Variants in BTBD16 observed in about 807,000 individuals in gnomAD.
The protein encoded by BTBD16 is BTB domain containing 16, also known as BTB/POZ domain-containing protein 16.
BTBD16 carries 66 observed loss-of-function variants against 67.4 expected under a neutral mutation model. The ratio of observed to expected loss-of-function variants is 0.98; its 90% confidence interval spans 0.80 to 1.20. The LOEUF (loss-of-function observed/expected upper bound fraction) is 1.20. Ranked by LOEUF, BTBD16 falls within the 50% of genes most tolerant of loss-of-function variation. The pLI is 0.00. For synonymous variants in BTBD16, 242 were observed against 236.4 expected (o/e 1.02, Z -0.22); for missense variants, 634 against 616.0 (o/e 1.03, Z -0.31).
intron 8 of BTBD16, among the ~76,000 whole-genome samples, chr10:122,298,651 C>T (rs1160206698): frequency 6.6e-6 from 1 of 152,158 alleles, no homozygotes; most frequent in African/African-American, 2.4e-5. Flanking sequence ...GTGGGCAAAG[C>T]CTATGGTCAG....
intron 5 of BTBD16, among the ~76,000 whole-genome samples, chr10:122,289,078 A>G (rs1370280472): frequency 6.6e-6 from 1 of 152,154 alleles, no homozygotes; most frequent in Non-Finnish European, 1.5e-5. Context: ...CCTTGGTGGC[A>G]GGGGTCCCCA....
intron 10 of BTBD16, among the ~76,000 whole-genome samples, chr10:122,317,549 A>G (rs1376760540): frequency 6.6e-6 from 1 of 152,158 alleles, no homozygotes; most frequent in Admixed American, 6.5e-5. Context: ...TGGGAGGCTG[A>G]GGCAGGAGAA....
chr10:122,318,344 A>G (rs959737836), intron 10 of BTBD16, among the ~76,000 whole-genome samples: 1 of 152,156 alleles, frequency 6.6e-6, no homozygotes, highest in African/African-American at 2.4e-5. Flanking sequence ...TTGCTGAGTG[A>G]TATTCCATTC....
intron 7 of BTBD16, among the ~76,000 whole-genome samples, chr10:122,292,126 C>G (rs1347766500): frequency 6.6e-6 from 1 of 152,202 alleles, no homozygotes; most frequent in African/African-American, 2.4e-5. Context: ...TCAAAAGTAA[C>G]CTGGGTCCGT....
In BTBD16 at chr10:122,289,981, C is replaced by T. The variant is rs1297550680; in HGVS notation, c.458C>T (p.Pro153Leu). 5 of 1,612,058 alleles carry T rather than the reference C, an allele frequency of 3.1e-6. No individual in the cohort carries two copies. Among genetic ancestry groups the T allele is most frequent in the Non-Finnish European group, 4.2e-6 (5 of 1,178,522 alleles). Reference sequence around the variant, plus strand: ...ATCATTTCCTTGAAGATCAATGACCCACTGGTCACTAAAGTCGGTATGTAT... The same window carrying T: ...ATCATTTCCTTGAAGATCAATGACCTACTGGTCACTAAAGTCGGTATGTAT... ...RIIISLKIND[P>L]LVTKVAFATA... The change falls in exon 6 of 16, where the codon CCA becomes CTA. Residue 153 changes from proline (P) to leucine (L), a missense_variant. Physicochemically the swap from Pro to Leu is moderately conservative, Grantham distance 98. Transcript: ENST00000260723.
At chr10:122,337,644 T>C (rs2096465335) in intron 15 of BTBD16, among the ~76,000 whole-genome samples, 2 of 152,108 alleles carry the variant, frequency 1.3e-5, no homozygotes, top group South Asian at 4.1e-4. Context: ...TTTTGTGTTT[T>C]TTAGTACAGA....
At chr10:122,337,835 T>C (rs2096465692) in intron 15 of BTBD16, among the ~76,000 whole-genome samples, 182 bp from the exon 16 acceptor site, 1 of 152,234 alleles carries the variant, frequency 6.6e-6, no homozygotes, top group Middle Eastern at 3.2e-3. Flanking sequence ...CGTTATTGTG[T>C]TTAAGTTATT....
chr10:122,294,135 A>T, intron 7 of BTBD16: 2 of 985,424 alleles, frequency 2.0e-6, no homozygotes, highest in Non-Finnish European at 2.4e-6. Context: ...TCTAGGTCAG[A>T]GGCCAGGGCG....
At chr10:122,313,257 GT>G (rs58984425) in intron 10 of BTBD16, among the ~76,000 whole-genome samples, 6,403 of 139,016 alleles carry the variant, frequency 0.046, 305 homozygotes, top group East Asian at 0.22. Flanking sequence ...AGTTAGTGCT[GT>G]TTTTTTTTTT....
intron 14 of BTBD16, 41 bp from the exon 15 acceptor site, chr10:122,336,453 C>T (rs1442879926): frequency 6.5e-7 from 1 of 1,539,268 alleles, no homozygotes; most frequent in Non-Finnish European, 8.8e-7. Flanking sequence ...CTGGGCCACC[C>T]CGATTGCAGT....
intron 10 of BTBD16, among the ~76,000 whole-genome samples, chr10:122,314,953 T>C (rs1016175022): frequency 2.6e-5 from 4 of 152,194 alleles, no homozygotes; most frequent in African/African-American, 7.2e-5. Flanking sequence ...ATCTTTTTTT[T>C]CTTCCCAGTC....
chr10:122,294,373 A>G (rs561335138), intron 7 of BTBD16, among the ~76,000 whole-genome samples: 6 of 152,216 alleles, frequency 3.9e-5, no homozygotes, highest in Admixed American at 6.5e-5. Context: ...TTAATTCTGA[A>G]TCACACATAC....
chr10:122,304,445 A>C (rs1389854285), intron 9 of BTBD16, among the ~76,000 whole-genome samples: 1 of 152,118 alleles, frequency 6.6e-6, no homozygotes, highest in Non-Finnish European at 1.5e-5. Context: ...CAACGGGTTT[A>C]AGAAATGTTG....
chr10:122,319,155 T>G (rs1209689069), intron 10 of BTBD16, among the ~76,000 whole-genome samples: 1 of 152,234 alleles, frequency 6.6e-6, no homozygotes, highest in African/African-American at 2.4e-5. Flanking sequence ...ATTTCGTAGA[T>G]ACTTTCTCCA....
intron 10 of BTBD16, among the ~76,000 whole-genome samples, chr10:122,327,335 A>T (rs75644362): frequency 3.0e-4 from 45 of 152,306 alleles, no homozygotes; most frequent in Non-Finnish European, 3.1e-4. Flanking sequence ...GCTTGAGTCC[A>T]TTCACTTTCC....
At position 122,331,190 on chromosome 10, in the gene BTBD16, G is replaced by C. The variant is rs1324836768; in HGVS notation, c.1018G>C (p.Val340Leu). ...TTTCTTCCCAGGCAAGGATCTGGAGGTGCTGCGGCACCTTAACTTCTTCCC... is the reference window on the plus strand; with the variant it reads ...TTTCTTCCCAGGCAAGGATCTGGAGCTGCTGCGGCACCTTAACTTCTTCCC... ...HGITKGKDLE[V>L]LRHLNFFPES... The change falls in exon 12 of 16, where the codon GTG becomes CTG. Residue 340 changes from valine to leucine, a missense_variant. Coordinates refer to ENST00000260723, the MANE Select transcript of BTBD16 (RefSeq NM_144587.5). 2 of 1,612,940 alleles carry C rather than the reference G, an allele frequency of 1.2e-6. No individual in the cohort carries two copies. Among genetic ancestry groups the C allele is most frequent in the Admixed American group, 1.7e-5 (1 of 59,828 alleles).
chr10:122,337,957 TG>T (rs1565043900), intron 15 of BTBD16, 59 bp from the exon 16 acceptor site: 1 of 1,418,054 alleles, frequency 7.1e-7, no homozygotes, highest in African/African-American at 1.4e-5. Flanking sequence ...TTTCCCCTTC[TG>T]GGGGGCAATT....
At chr10:122,314,815 T>G (rs2096420984) in intron 10 of BTBD16, among the ~76,000 whole-genome samples, 1 of 152,222 alleles carries the variant, frequency 6.6e-6, no homozygotes, top group Non-Finnish European at 1.5e-5. Flanking sequence ...GATTTATCTC[T>G]TTCTCTCCAA....
At chr10:122,300,974 G>C (rs2096392717) in intron 9 of BTBD16, among the ~76,000 whole-genome samples, 1 of 152,152 alleles carries the variant, frequency 6.6e-6, no homozygotes. Flanking sequence ...TACAGAGATG[G>C]GAGGCAGGTA....
Sources: allele counts gnomAD v4.1 joint callset (sites outside exome capture counted in the v4.1 genomes callset), GRCh38; gene constraint gnomAD v4.1.1; transcripts MANE v1.5; gene names NCBI Gene and HGNC (gene_info 2026-07-23, HGNC 2026-07-21).